Variants in WWOX observed in about 807,000 individuals in gnomAD.
WWOX encodes WW domain-containing oxidoreductase.
In WWOX, 69 loss-of-function variants were observed where a neutral mutation model predicts 46.2. The observed-to-expected ratio is 1.49, with a 90% CI of 1.23 to 1.82. The LOEUF (loss-of-function observed/expected upper bound fraction) is 1.82, where lower values mean the gene tolerates loss of function less well. Among genes scored for constraint, WWOX ranks in the 40% most tolerant of loss-of-function variants. WWOX has a pLI of 0.00. For missense variants in WWOX, 919 were observed against 542.6 expected, an observed-to-expected ratio of 1.69 and a Z score of -6.89; for synonymous variants, 359 against 202.6, an observed-to-expected ratio of 1.77 and a Z score of -6.56.
chr16:78,998,582 T>C (rs892997524), intron 8 of WWOX, among the ~76,000 whole-genome samples: 3 of 152,196 alleles, frequency 2.0e-5, no homozygotes, highest in Admixed American at 1.3e-4. Flanking sequence ...AGTTAATCGA[T>C]GTAGTTAAGA....
chr16:79,011,499 A>ATTTC (rs1232811335), intron 8 of WWOX, among the ~76,000 whole-genome samples: 109 of 142,328 alleles, frequency 7.7e-4, no homozygotes, highest in African/African-American at 2.8e-3. Context: ...TTATTTATTT[A>ATTTC]TTTATTTTTT....
chr16:78,733,500 C>A (rs1422092866), intron 8 of WWOX, among the ~76,000 whole-genome samples: 1 of 151,440 alleles, frequency 6.6e-6, no homozygotes, highest in Non-Finnish European at 1.5e-5. Flanking sequence ...GTAATCCCAG[C>A]ACTCTGGGAG....
chr16:78,750,682 C>G (rs2049455204), intron 8 of WWOX, among the ~76,000 whole-genome samples: 1 of 152,044 alleles, frequency 6.6e-6, no homozygotes, highest in Admixed American at 6.5e-5. Context: ...GTCTATTGTT[C>G]CTGTCTTCAT....
chr16:78,976,278 C>G (rs929365351), intron 8 of WWOX, among the ~76,000 whole-genome samples: 1 of 152,214 alleles, frequency 6.6e-6, no homozygotes, highest in Admixed American at 6.5e-5. Context: ...TGAAACACTC[C>G]TACTTCTTTC....
intron 8 of WWOX, among the ~76,000 whole-genome samples, chr16:78,713,070 G>C (rs2048477836): frequency 6.6e-6 from 1 of 151,852 alleles, no homozygotes; most frequent in African/African-American, 2.4e-5. Context: ...AGGAGATCGA[G>C]ACCAGCCAGG....
rs141110201 is a variant in WWOX at position 78,993,754 on chromosome 16, G to A, written c.1057-217854G>A. ...GTGCTAATATTTATATAACACACTC[G>A]CCAGACTCCATGGCCTGAGTCCGGG... is the stretch of plus-strand genomic sequence containing the variant. On this transcript the variant is annotated intron_variant, in intron 8 of 8. Coordinates refer to ENST00000566780, the MANE Select transcript of WWOX (RefSeq NM_016373.4). 2.4e-4 allele frequency among the ~76,000 whole-genome samples: 36 copies of A among 152,316 alleles called. No homozygotes were observed. In the East Asian group the frequency reaches 6.0e-3, roughly 25 times the overall value.
At chr16:79,091,688 A>G (rs2048962979) in intron 8 of WWOX, among the ~76,000 whole-genome samples, 1 of 151,988 alleles carries the variant, frequency 6.6e-6, no homozygotes, top group South Asian at 2.1e-4. Flanking sequence ...TCGTTAAAGC[A>G]GCTCGCCTAA....
chr16:79,017,747 A>G (rs575714382), intron 8 of WWOX, among the ~76,000 whole-genome samples: 5 of 151,812 alleles, frequency 3.3e-5, no homozygotes, highest in African/African-American at 1.2e-4. Flanking sequence ...GCCATGGGTT[A>G]TTTTGTCATG....
At chr16:78,214,219 G>C (rs9941303) in intron 5 of WWOX, among the ~76,000 whole-genome samples, 2 of 152,106 alleles carry the variant, frequency 1.3e-5, no homozygotes, top group East Asian at 1.9e-4. Context: ...AGTCACCGCA[G>C]CTCCTCTTGA....
At chr16:78,470,182 G>C (rs1231176573) in intron 8 of WWOX, among the ~76,000 whole-genome samples, 1 of 152,182 alleles carries the variant, frequency 6.6e-6, no homozygotes, top group Non-Finnish European at 1.5e-5. Flanking sequence ...GCTGTTGTCT[G>C]CACAAAGCTG....
chr16:78,278,627 G>C, intron 5 of WWOX: 1 of 1,610,986 alleles, frequency 6.2e-7, no homozygotes, highest in Non-Finnish European at 8.5e-7. Context: ...CCCTCCGCCA[G>C]AAAAGTGCAG....
At chr16:78,656,733 C>T (rs1357985151) in intron 8 of WWOX, among the ~76,000 whole-genome samples, 1 of 152,174 alleles carries the variant, frequency 6.6e-6, no homozygotes, top group Non-Finnish European at 1.5e-5. Context: ...TGAGCACATC[C>T]TCGTGGATCT....
chr16:78,783,404 C>G (rs1356785100), intron 8 of WWOX, among the ~76,000 whole-genome samples: 1 of 152,156 alleles, frequency 6.6e-6, no homozygotes, highest in Non-Finnish European at 1.5e-5. Flanking sequence ...AGCTACACGA[C>G]CAAGAGACAG....
chr16:78,814,846 C>T (rs965816970), intron 8 of WWOX, among the ~76,000 whole-genome samples: 19 of 152,216 alleles, frequency 1.2e-4, no homozygotes, highest in African/African-American at 4.1e-4. Context: ...CTTGCAAAAC[C>T]ACCCTTGGGC....
chr16:78,699,560 A>C (rs746439920), intron 8 of WWOX, among the ~76,000 whole-genome samples: 7 of 152,186 alleles, frequency 4.6e-5, no homozygotes, highest in Non-Finnish European at 8.8e-5. Context: ...AAACGAAAGA[A>C]AAACAAGTTC....
intron 8 of WWOX, among the ~76,000 whole-genome samples, chr16:78,962,795 T>G (rs2046295974): frequency 6.6e-6 from 1 of 152,192 alleles, no homozygotes; most frequent in Non-Finnish European, 1.5e-5. Flanking sequence ...TGTTCCCCTT[T>G]CTAAGCAAGA....
chr16:78,914,543 G>A (rs1370422246), intron 8 of WWOX, among the ~76,000 whole-genome samples: 1 of 151,950 alleles, frequency 6.6e-6, no homozygotes, highest in African/African-American at 2.4e-5. Context: ...AATGGATTGA[G>A]TACAGAGTGT....
chr16:78,756,973 A>T, intron 8 of WWOX: 1 of 703,008 alleles, frequency 1.4e-6, no homozygotes, highest in Non-Finnish European at 2.6e-6. Flanking sequence ...AGGATACTCA[A>T]GCATACCCGT....
intron 8 of WWOX, among the ~76,000 whole-genome samples, chr16:78,610,410 A>G (rs916392318): frequency 3.3e-5 from 5 of 152,224 alleles, no homozygotes; most frequent in Admixed American, 2.6e-4. Flanking sequence ...TTCTTCTTCT[A>G]TCAAAGGAAG....
Sources: allele counts gnomAD v4.1 joint callset (sites outside exome capture counted in the v4.1 genomes callset), GRCh38; gene constraint gnomAD v4.1.1; transcripts MANE v1.5; gene names NCBI Gene and HGNC (gene_info 2026-07-23, HGNC 2026-07-21).